Variants in TOM1L1 observed in about 807,000 individuals in gnomAD.
The protein encoded by TOM1L1 is target of myb1 like 1 membrane trafficking protein.
Under a neutral mutation model 63.4 loss-of-function variants are expected in TOM1L1, and 64 were observed. The ratio of observed to expected loss-of-function variants is 1.01; its 90% CI spans 0.83 to 1.24. TOM1L1 has a LOEUF of 1.24. Among genes scored for constraint, TOM1L1 ranks in the 50% most tolerant of loss-of-function variants. The probability of loss-of-function intolerance (pLI) is 0.00; values close to 1 mark genes in which losing one functional copy is unlikely to be tolerated. For synonymous variants in TOM1L1, 166 were observed against 194.4 expected (o/e 0.85, Z 1.22); for missense variants, 536 against 567.0 (o/e 0.95, Z 0.55).
chr17:54,942,441 G>A (rs2049047470), intron 11 of TOM1L1: 1 of 151,976 alleles, frequency 6.6e-6, no homozygotes, highest in Non-Finnish European at 1.5e-5. Flanking sequence ...TTTACTAACA[G>A]GCAACAAGCT....
intron 14 of TOM1L1, among the ~76,000 whole-genome samples, chr17:54,951,682 GAT>G (rs1239624265): frequency 6.6e-6 from 1 of 152,166 alleles, no homozygotes; most frequent in Non-Finnish European, 1.5e-5. Context: ...TGAAAACTCG[GAT>G]ATTTGAAAAT....
At chr17:54,915,693 G>A in intron 6 of TOM1L1, 53 bp from the exon 7 acceptor site, 1 of 1,250,832 alleles carries the variant, frequency 8.0e-7, no homozygotes. Context: ...CAGGAAACAA[G>A]GTAGTTATTC....
intron 5 of TOM1L1, 51 bp from the exon 6 acceptor site, chr17:54,914,588 G>A: frequency 6.7e-7 from 1 of 1,483,738 alleles, no homozygotes; most frequent in African/African-American, 1.4e-5. Context: ...ACTTGGCGTT[G>A]GGTGGCTATG....
intron 14 of TOM1L1, chr17:54,954,489 G>C (rs2049393443): frequency 6.6e-6 from 1 of 152,280 alleles, no homozygotes; most frequent in Non-Finnish European, 1.5e-5. Flanking sequence ...GCCTGCTATT[G>C]CCATAGCAGG....
chr17:54,932,722 C>G (rs1359795871), intron 8 of TOM1L1, among the ~76,000 whole-genome samples: 1 of 152,086 alleles, frequency 6.6e-6, no homozygotes, highest in Non-Finnish European at 1.5e-5. Flanking sequence ...CGCCTGGCCA[C>G]CATGCTTTCT....
chr17:54,929,685 G>A (rs951691333), intron 7 of TOM1L1, among the ~76,000 whole-genome samples: 2 of 151,246 alleles, frequency 1.3e-5, no homozygotes, highest in South Asian at 4.2e-4. Flanking sequence ...AGGTAGATGT[G>A]GCAAGGGGTA....
intron 2 of TOM1L1, 81 bp from the exon 3 acceptor site, chr17:54,905,408 C>G (rs1341821308): frequency 1.1e-6 from 1 of 944,780 alleles, no homozygotes; most frequent in Non-Finnish European, 1.7e-6. Context: ...TTCCTCTCTC[C>G]AAATGCATGT....
intron 8 of TOM1L1, among the ~76,000 whole-genome samples, chr17:54,935,753 T>C (rs1417766756): frequency 1.3e-5 from 2 of 152,184 alleles, no homozygotes; most frequent in South Asian, 2.1e-4. Context: ...GCTCCTTTAC[T>C]CTCAGTGGAC....
Position 54,913,886 on chromosome 17 carries a change from T to C in TOM1L1, c.498+13T>C. 6.2e-7 allele frequency: 1 copy of C among 1,601,452 alleles called. No individual in the cohort carries two copies. The highest frequency in any genetic ancestry group is 8.5e-7 in the Non-Finnish European group (1 of 1,172,160). ...AGCAAGACAAGAGGTAGGAGGCCTT[T>C]CTTTGACCCATGGAGACTATAGTAG... is the stretch of plus-strand genomic sequence containing the variant. On this transcript the variant is annotated intron_variant, in intron 5 of 15. Transcript: ENST00000575882.
chr17:54,907,917 C>T (rs1278092606), intron 3 of TOM1L1, among the ~76,000 whole-genome samples: 3 of 152,148 alleles, frequency 2.0e-5, no homozygotes, highest in Non-Finnish European at 4.4e-5. Context: ...GCTTCTTAAT[C>T]CCACCTCCAT....
At chr17:54,949,919 C>T (rs2143960626) in intron 13 of TOM1L1, 126 bp from the exon 14 acceptor site, 1 of 746,968 alleles carries the variant, frequency 1.3e-6, no homozygotes, top group African/African-American at 1.8e-5. Flanking sequence ...AGCATTGGGA[C>T]ACCAGTCTGT....
chr17:54,905,346 C>G, intron 2 of TOM1L1, 143 bp from the exon 3 acceptor site: 1 of 582,268 alleles, frequency 1.7e-6, no homozygotes, highest in Non-Finnish European at 3.1e-6. Context: ...TTAAGTCATT[C>G]GCATAGGGTC....
At chr17:54,929,991 G>C in intron 7 of TOM1L1, 82 bp from the exon 8 acceptor site, 1 of 1,567,508 alleles carries the variant, frequency 6.4e-7, no homozygotes, top group Non-Finnish European at 8.7e-7. Context: ...GGTGACTGTA[G>C]GTATGCGCAG....
chr17:54,922,215 C>A (rs2048695631), intron 7 of TOM1L1, among the ~76,000 whole-genome samples: 1 of 151,856 alleles, frequency 6.6e-6, no homozygotes, highest in Non-Finnish European at 1.5e-5. Context: ...ATGGTGTGAA[C>A]CCAGGAGGCG....
At chr17:54,923,040 T>A (rs1318690061) in intron 7 of TOM1L1, among the ~76,000 whole-genome samples, 1 of 152,208 alleles carries the variant, frequency 6.6e-6, no homozygotes, top group East Asian at 1.9e-4. Context: ...CACTTAGTGT[T>A]TTTGAGGTTC....
chr17:54,908,486 CT>C (rs542395474), intron 3 of TOM1L1, among the ~76,000 whole-genome samples: 11 of 152,218 alleles, frequency 7.2e-5, no homozygotes, highest in Non-Finnish European at 1.5e-4. Context: ...CCAGTAAACT[CT>C]TTAAAATGTA....
intron 12 of TOM1L1, 172 bp downstream of exon 12, chr17:54,947,484 C>A (rs2049140049): frequency 3.1e-6 from 2 of 645,160 alleles, no homozygotes; most frequent in Non-Finnish European, 5.5e-6. Flanking sequence ...TTTGCTATCT[C>A]CACTTCCTTT....
Position 54,930,169 on chromosome 17 carries a change from A to C in TOM1L1, c.817A>C (p.Asn273His). Residue 273 changes from asparagine to histidine, a missense_variant, in exon 8 of 16, where the codon AAT becomes CAT. Transcript: ENST00000575882. Reference protein sequence around the residue: ...EDVTVELIQVNEDLNNAILGY... With the variant: ...EDVTVELIQVHEDLNNAILGY... Reference sequence around the variant, plus strand: ...TGTAACTGTTGAGCTAATTCAGGTGAATGAGGATTTGAATAATGCTATCCT... The same window carrying C: ...TGTAACTGTTGAGCTAATTCAGGTGCATGAGGATTTGAATAATGCTATCCT... The C allele has an allele frequency of 1.2e-6, 2 of 1,614,082 alleles. No homozygotes were observed. The highest frequency in any genetic ancestry group is 1.7e-6 in the Non-Finnish European group (2 of 1,179,974).
chr17:54,958,748 A>AAAAAAAAAAAAAAAAAAG lies in TOM1L1; in HGVS notation c.1371-1818_1371-1817insAAAAAAAAAAAAAAAAAG, dbSNP rs372776781. 1.0e-4 allele frequency among the ~76,000 whole-genome samples: 12 copies of AAAAAAAAAAAAAAAAAAG among 118,922 alleles called. 1 individual carries two copies. The highest frequency in any genetic ancestry group is 1.4e-4 in the Non-Finnish European group (8 of 57,766). The allele number at this position is 118,922 out of a possible 152,430, so 78.0% of individuals were successfully genotyped here. A position where few individuals can be genotyped will look rare whatever the true frequency, so the allele number is the denominator to read the frequency against. On this transcript the variant is annotated intron_variant, in intron 14 of 15. Transcript: ENST00000575882. ...TCCATCTCAAAAAAAAAAAAAAAAA[A>AAAAAAAAAAAAAAAAAAG]GGGGTTGTTGGTAGCTAGAGGATAC...
Sources: allele counts gnomAD v4.1 joint callset (sites outside exome capture counted in the v4.1 genomes callset), GRCh38; gene constraint gnomAD v4.1.1; transcripts MANE v1.5; gene names NCBI Gene and HGNC (gene_info 2026-07-23, HGNC 2026-07-21).